The following OLFML1 variants were observed in gnomAD, a reference collection of about 807,000 sequenced individuals.
OLFML1 encodes olfactomedin-like protein 1.
In OLFML1, 33 loss-of-function variants were observed where a neutral mutation model predicts 37.3. The ratio of observed to expected loss-of-function variants is 0.88; its 90% CI spans 0.67 to 1.18. The LOEUF (loss-of-function observed/expected upper bound fraction) is 1.18. Among genes scored for constraint, OLFML1 ranks in the 50% most tolerant of loss-of-function variants. OLFML1 has a pLI of 0.00. For synonymous variants in OLFML1, 186 were observed against 181.3 expected, an observed-to-expected ratio of 1.03 and a Z score of -0.21; for missense variants, 545 against 483.7, an observed-to-expected ratio of 1.13 and a Z score of -1.19.
chr11:7,488,481 G>A (rs1848555289), intron 2 of OLFML1, 66 bp downstream of exon 2: 3 of 1,303,378 alleles, frequency 2.3e-6, no homozygotes, highest in African/African-American at 1.5e-5. Context: ...CACAGACTCA[G>A]AGCAGTCAGG....
chr11:7,491,236 G>T (rs1157668918), intron 2 of OLFML1, among the ~76,000 whole-genome samples: 1 of 152,114 alleles, frequency 6.6e-6, no homozygotes, highest in Non-Finnish European at 1.5e-5. Flanking sequence ...TGAGGGGGCT[G>T]CCAGGCAGAT....
chr11:7,497,971 C>T (rs956358725), intron 2 of OLFML1, among the ~76,000 whole-genome samples: 1 of 152,192 alleles, frequency 6.6e-6, no homozygotes, highest in African/African-American at 2.4e-5. Context: ...AAAATATCAC[C>T]TGCTAATCTA....
chr11:7,493,788 C>T (rs894114773), intron 2 of OLFML1, among the ~76,000 whole-genome samples: 1 of 152,262 alleles, frequency 6.6e-6, no homozygotes, highest in African/African-American at 2.4e-5. Context: ...GTGCCCTGAA[C>T]ATCCATTCAT....
chr11:7,495,057 T>C (rs1345482405), intron 2 of OLFML1, among the ~76,000 whole-genome samples: 1 of 152,216 alleles, frequency 6.6e-6, no homozygotes, highest in Non-Finnish European at 1.5e-5. Flanking sequence ...CACACTTTCC[T>C]GGGCTAGAAA....
rs777666881 is a variant in OLFML1, at chr11:7,488,114, T to C, written c.130-13T>C. On this transcript the variant is annotated splice_polypyrimidine_tract_variant and intron_variant, in intron 1 of 2. Transcript: ENST00000329293. ...AACAAGCAATAATTTGCAAATTTAT[T>C]TTCTGACTGAAGCAAGGGCTGGAAA... 1 of 1,585,878 alleles carries C rather than the reference T, an allele frequency of 6.3e-7. No homozygotes were observed.
At position 7,498,480 on chromosome 11, in the gene OLFML1, A is replaced by G. The variant is rs763518633; in HGVS notation, c.418+10065A>G. Among the ~76,000 whole-genome samples, 3 of 152,230 alleles carry G rather than the reference A, an allele frequency of 2.0e-5. No homozygotes were observed. In the East Asian group the frequency reaches 5.8e-4, roughly 29 times the overall value. The stretch of plus-strand genomic sequence containing the variant: ...GGAAACTTATTCCATGGGCAGTATC[A>G]TGAAATACCCCTAATTTTTAGAATA... On this transcript the variant is annotated intron_variant, in intron 2 of 2. Coordinates refer to ENST00000329293, the MANE Select transcript of OLFML1 (RefSeq NM_198474.4).
chr11:7,508,830 T>C (rs1848816807), intron 2 of OLFML1, among the ~76,000 whole-genome samples: 1 of 152,228 alleles, frequency 6.6e-6, no homozygotes, highest in Admixed American at 6.5e-5. Context: ...CATTGTAACC[T>C]AAGTACACAG....
At chr11:7,486,121 C>T (rs1322486855) in intron 1 of OLFML1, 117 bp downstream of exon 1, 10 of 993,106 alleles carry the variant, frequency 1.0e-5, no homozygotes, top group African/African-American at 1.6e-5. Context: ...TGACACATTG[C>T]CAAAGTTACA....
In OLFML1 at chr11:7,509,438, A is replaced by G. The variant is rs1274142749; in HGVS notation, c.459A>G (p.Ile153Met). The change falls in exon 3 of 3, where the codon ATA (isoleucine) becomes ATG (methionine). Residue 153 changes from isoleucine to methionine, a missense_variant. Physicochemically the swap from Ile to Met is conservative, Grantham distance 10. Transcript: ENST00000329293. The part of the protein sequence containing the change: ...NMLMGIKSLK[I>M]VKKMMDTHGS... ...TGATGGGCATAAAGTCTTTGAAAAT[A>G]GTGAAGAAGATGATGGACACACATG... 1.9e-6 allele frequency: 3 copies of G among 1,613,480 alleles called. No homozygotes were observed. Among genetic ancestry groups the G allele is most frequent in the Admixed American group, 1.7e-5 (1 of 59,968 alleles).
chr11:7,507,256 T>C (rs556106067), intron 2 of OLFML1, among the ~76,000 whole-genome samples: 2 of 152,348 alleles, frequency 1.3e-5, no homozygotes, highest in African/African-American at 4.8e-5. Flanking sequence ...TTAGATCCTT[T>C]ATCATCCCAT....
chr11:7,510,258 C>A lies in OLFML1; in HGVS notation c.*70C>A. On this transcript the variant is annotated 3_prime_UTR_variant, in exon 3 of 3. Coordinates refer to ENST00000329293, the MANE Select transcript of OLFML1 (RefSeq NM_198474.4). ...TCTACAGGACAGTGAGGCTATAGCCCCTTCACAATATAGTATCCCTCTAAT... is the reference window on the plus strand; with the variant it reads ...TCTACAGGACAGTGAGGCTATAGCCACTTCACAATATAGTATCCCTCTAAT... The A allele has an allele frequency of 8.2e-7, 1 of 1,222,786 alleles. No homozygotes were observed. The highest frequency in any genetic ancestry group is 2.4e-5 in the East Asian group (1 of 40,924). 75.7% of individuals were successfully genotyped at this position (1,222,786 alleles called of 1,614,324 possible).
intron 2 of OLFML1, among the ~76,000 whole-genome samples, chr11:7,508,461 C>G (rs921542288): frequency 1.3e-5 from 2 of 152,168 alleles, no homozygotes; most frequent in African/African-American, 4.8e-5. Flanking sequence ...CTCCATTTAT[C>G]CTTCAAGGAC....
intron 2 of OLFML1, among the ~76,000 whole-genome samples, chr11:7,505,690 A>C (rs1176313413): frequency 6.6e-6 from 1 of 152,068 alleles, no homozygotes; most frequent in Admixed American, 6.6e-5. Context: ...AATTAGCTGG[A>C]CCTGGTGGTA....
In OLFML1 at chr11:7,490,992, A is replaced by C. The variant is rs76689477; in HGVS notation, c.418+2577A>C. ...TTCAAATCTCCTAGCTTTCTTTTAC[A>C]TAAGAAAGGCCCTTTACAAAGTGAT... On this transcript the variant is annotated intron_variant, in intron 2 of 2. Transcript: ENST00000329293. Among the ~76,000 whole-genome samples, 1,492 of 152,266 alleles carry C rather than the reference A, an allele frequency of 9.8e-3. 41 individuals carry two copies. The highest frequency in any genetic ancestry group is 0.055 in the Admixed American group (846 of 15,292).
intron 2 of OLFML1, among the ~76,000 whole-genome samples, chr11:7,508,021 GAAGA>G (rs1421180671): frequency 6.6e-6 from 1 of 152,194 alleles, no homozygotes; most frequent in Non-Finnish European, 1.5e-5. Flanking sequence ...ATTACAGCTG[GAAGA>G]AAGAGCCCTG....
At chr11:7,495,764 T>G (rs187885778) in intron 2 of OLFML1, among the ~76,000 whole-genome samples, 1 of 152,346 alleles carries the variant, frequency 6.6e-6, no homozygotes, top group East Asian at 1.9e-4. Context: ...ATGTCTTGTC[T>G]GATGACCACA....
At chr11:7,502,611 CT>C (rs1008493628) in intron 2 of OLFML1, among the ~76,000 whole-genome samples, 48 of 145,746 alleles carry the variant, frequency 3.3e-4, no homozygotes, top group Admixed American at 6.8e-4. Context: ...CTTTTTTTTG[CT>C]TTTTTTTTTT....
At chr11:7,497,597 C>A (rs1373405301) in intron 2 of OLFML1, among the ~76,000 whole-genome samples, 2 of 152,170 alleles carry the variant, frequency 1.3e-5, no homozygotes, top group Non-Finnish European at 2.9e-5. Flanking sequence ...ACACCCTCCA[C>A]TGAAGTTCTC....
Position 7,486,809 on chromosome 11 carries a change from T to A in OLFML1, c.129+805T>A, listed in dbSNP as rs867160799. Among the ~76,000 whole-genome samples, 8 of 152,386 alleles carry A rather than the reference T, an allele frequency of 5.2e-5. No homozygotes were observed. In the South Asian group the frequency reaches 1.7e-3, roughly 32 times the overall value. On this transcript the variant is annotated intron_variant, in intron 1 of 2. Coordinates refer to ENST00000329293, the MANE Select transcript of OLFML1 (RefSeq NM_198474.4). ...CTAATAATTATTTTATACATTTTCC[T>A]GAAAAATCTTCATGTCCAAATTATA...
Sources: allele counts gnomAD v4.1 joint callset (sites outside exome capture counted in the v4.1 genomes callset), GRCh38; gene constraint gnomAD v4.1.1; transcripts MANE v1.5; gene names NCBI Gene and HGNC (gene_info 2026-07-23, HGNC 2026-07-21).